The following PRPF18 variants were observed in gnomAD, a reference collection of about 807,000 sequenced individuals.
PRPF18 encodes pre-mRNA-splicing factor 18.
PRPF18 carries 38 observed loss-of-function variants against 46.5 expected under a neutral mutation model. The observed-to-expected ratio is 0.82, with a 90% CI of 0.63 to 1.07. The LOEUF is 1.07. PRPF18 is among the 50% of genes least tolerant of loss of function. PRPF18 has a pLI of 0.00. For missense variants in PRPF18, 263 were observed against 410.0 expected (o/e 0.64, Z 3.10); for synonymous variants, 152 against 146.7 (o/e 1.04, Z -0.26).
At chr10:13,602,510 G>GTT (rs1270811763) in intron 3 of PRPF18, among the ~76,000 whole-genome samples, 1 of 141,800 alleles carries the variant, frequency 7.1e-6, no homozygotes, top group African/African-American at 2.6e-5. Flanking sequence ...TTTTCATTAT[G>GTT]TTTTTTTTTT....
At chr10:13,603,937 T>C (rs1302722206) in intron 3 of PRPF18, among the ~76,000 whole-genome samples, 1 of 152,170 alleles carries the variant, frequency 6.6e-6, no homozygotes, top group Non-Finnish European at 1.5e-5. Context: ...CCAATGAAAG[T>C]AGCTCTGATT....
chr10:13,621,526 C>T (rs2080419661), intron 9 of PRPF18, among the ~76,000 whole-genome samples: 1 of 152,146 alleles, frequency 6.6e-6, no homozygotes, highest in Non-Finnish European at 1.5e-5. Context: ...TTGGGCTAGC[C>T]ACAGCTTCCC....
chr10:13,594,154 T>C (rs2133201648), intron 1 of PRPF18, among the ~76,000 whole-genome samples: 1 of 152,374 alleles, frequency 6.6e-6, no homozygotes, highest in Non-Finnish European at 1.5e-5. Flanking sequence ...ACAAAATGTA[T>C]ATTCCATGTA....
intron 4 of PRPF18, among the ~76,000 whole-genome samples, chr10:13,607,434 T>C (rs1307244195): frequency 6.6e-6 from 1 of 152,098 alleles, no homozygotes; most frequent in Admixed American, 6.5e-5. Flanking sequence ...CACACGCTTT[T>C]TGAGACAGGG....
intron 1 of PRPF18, among the ~76,000 whole-genome samples, chr10:13,593,875 G>A (rs1472584200): frequency 6.6e-6 from 1 of 152,184 alleles, no homozygotes; most frequent in African/African-American, 2.4e-5. Context: ...TGGGAAATTC[G>A]TGAGAATGGA....
At chr10:13,655,927 G>A in the PRPF18 span, 3 of 152,068 alleles carry the variant, frequency 2.0e-5, no homozygotes, top group African/African-American at 4.8e-5. Flanking sequence ...TAACTTAAGG[G>A]AATGAGTGGT....
At chr10:13,600,021 C>A (rs2080083745) in intron 2 of PRPF18, among the ~76,000 whole-genome samples, 1 of 152,202 alleles carries the variant, frequency 6.6e-6, no homozygotes, top group Non-Finnish European at 1.5e-5. Context: ...AGCAAGAATG[C>A]TGATTCCTCT....
chr10:13,587,125 G>A lies in PRPF18; in HGVS notation c.39G>A (p.Gln13=), dbSNP rs766877479. ...AATCAGAGATCCTTCGGAAGCGGCA[G>A]CTGGTGGAGGACAGGAACCTGCTGG... is the stretch of plus-strand genomic sequence containing the variant. ...ILKSEILRKR[Q]LVEDRNLLVE... The change falls in exon 1 of 10, where the codon CAG becomes CAA. Residue 13 remains glutamine (Q), a synonymous_variant. Coordinates refer to ENST00000378572, the MANE Select transcript of PRPF18 (RefSeq NM_003675.4). The A allele has an allele frequency of 1.9e-6, 3 of 1,614,078 alleles. No individual in the cohort carries two copies. Among genetic ancestry groups the A allele is most frequent in the African/African-American group, 1.3e-5 (1 of 74,960 alleles).
the PRPF18 span, chr10:13,654,179 C>G: frequency 1.7e-6 from 1 of 576,052 alleles, no homozygotes; most frequent in East Asian, 2.9e-5. Flanking sequence ...TCCCCACATC[C>G]CAAGGACCAC....
At chr10:13,607,042 T>C (rs976714101) in intron 4 of PRPF18, among the ~76,000 whole-genome samples, 1 of 152,224 alleles carries the variant, frequency 6.6e-6, no homozygotes, top group African/African-American at 2.4e-5. Context: ...GGAGCATCTT[T>C]TCATAAAGTT....
chr10:13,603,276 T>C (rs1271118524), intron 3 of PRPF18, among the ~76,000 whole-genome samples: 1 of 152,036 alleles, frequency 6.6e-6, no homozygotes, highest in Non-Finnish European at 1.5e-5. Context: ...CTTTAGTCTC[T>C]GTGTCATTTT....
chr10:13,634,139 A>C (rs1329586781), downstream of PRPF18, among the ~76,000 whole-genome samples: 1 of 152,264 alleles, frequency 6.6e-6, no homozygotes, highest in Non-Finnish European at 1.5e-5. Context: ...ATTTAAAAAA[A>C]GAATGTATTT....
chr10:13,588,842 A>C (rs748912222), intron 1 of PRPF18, among the ~76,000 whole-genome samples: 1 of 152,198 alleles, frequency 6.6e-6, no homozygotes, highest in Non-Finnish European at 1.5e-5. Flanking sequence ...TTTTGGTCTC[A>C]GGACCCCTTC....
At chr10:13,615,176 G>A (rs1222077538) in intron 8 of PRPF18, among the ~76,000 whole-genome samples, 2 of 152,196 alleles carry the variant, frequency 1.3e-5, no homozygotes, top group African/African-American at 4.8e-5. Context: ...GGCATGGATG[G>A]ATAAGGTCAC....
intron 6 of PRPF18, among the ~76,000 whole-genome samples, chr10:13,613,304 TC>T (rs971216873): frequency 6.6e-6 from 1 of 152,218 alleles, no homozygotes; most frequent in Non-Finnish European, 1.5e-5. Context: ...TTTCTCTTTC[TC>T]CTTCCTCTCC....
At chr10:13,634,284 T>C (rs1017336234), downstream of PRPF18, among the ~76,000 whole-genome samples, 4 of 152,248 alleles carry the variant, frequency 2.6e-5, no homozygotes, top group African/African-American at 9.6e-5. Context: ...CTTCCTTCTG[T>C]TGAGTCTCTT....
chr10:13,599,729 A>G (rs908764315), intron 2 of PRPF18, among the ~76,000 whole-genome samples: 1 of 152,226 alleles, frequency 6.6e-6, no homozygotes, highest in South Asian at 2.1e-4. Flanking sequence ...TGTATGTCCA[A>G]CATGATTTTC....
At chr10:13,616,765 G>A (rs1397462196) in intron 9 of PRPF18, among the ~76,000 whole-genome samples, 8 of 151,694 alleles carry the variant, frequency 5.3e-5, no homozygotes, top group Non-Finnish European at 1.5e-5. Context: ...AGACAAGGGT[G>A]AAGTATTGTG....
chr10:13,633,923 G>A (rs1156988970), downstream of PRPF18, among the ~76,000 whole-genome samples: 2 of 152,196 alleles, frequency 1.3e-5, no homozygotes, highest in Non-Finnish European at 2.9e-5. Context: ...ACACTGTTAT[G>A]GCAACTGGTT....
Sources: gnomAD v4.1 joint callset for allele counts (sites outside exome capture counted in the v4.1 genomes callset) on GRCh38, gnomAD v4.1.1 for gene constraint, MANE v1.5 for transcripts, NCBI Gene and HGNC (gene_info 2026-07-23, HGNC 2026-07-21) for gene names.